MROH2B: variants seen among roughly 807,000 people sequenced by gnomAD.
The protein encoded by MROH2B is maestro heat-like repeat-containing protein family member 2B.
In MROH2B, 177 loss-of-function variants were observed where a neutral mutation model predicts 208.6. The ratio of observed to expected loss-of-function variants is 0.85; its 90% confidence interval spans 0.75 to 0.96. MROH2B has a LOEUF of 0.96. Ranked by LOEUF, MROH2B falls within the 40% of genes least tolerant of loss-of-function variation. The pLI is 0.00. For synonymous variants in MROH2B, 728 were observed against 659.0 expected (o/e 1.10, Z -1.60); for missense variants, 2,002 against 1,878.7 (o/e 1.07, Z -1.21).
chr5:41,047,744 G>T lies in MROH2B; in HGVS notation c.1705C>A (p.Leu569Ile). The T allele has an allele frequency of 1.3e-6, 2 of 1,594,236 alleles. No individual in the cohort carries two copies. Among genetic ancestry groups the T allele is most frequent in the East Asian group, 2.3e-5 (1 of 44,342 alleles). ...ACCTGAAGCAGCATGGTTTCCCATA[G>T]AACGGTACTGATGTTCTTTCCTAGA... ...PLEGKNISTV[L>I]WETMLLQLLK... The change falls in exon 17 of 42, where the codon CTA becomes ATA. Residue 569 changes from leucine to isoleucine, a missense_variant. Leu to Ile is a conservative substitution (Grantham distance 5, BLOSUM62 2). Coordinates refer to ENST00000399564, the MANE Select transcript of MROH2B (RefSeq NM_173489.5).
chr5:41,048,787 A>G (rs561551994), intron 15 of MROH2B, among the ~76,000 whole-genome samples: 44 of 152,192 alleles, frequency 2.9e-4, no homozygotes, highest in Admixed American at 1.3e-3. Context: ...AATCATCCAT[A>G]TGGGGCCAAA....
rs561229673 is a variant in MROH2B, at chr5:41,005,422, C to CACCT, written c.3864+108_3864+109insAGGT. The CACCT allele has an allele frequency of 1.4e-3, 205 of 150,794 alleles. 3 individuals carry two copies. Among genetic ancestry groups the CACCT allele is most frequent in the East Asian group, 8.3e-3 (77 of 9,246 alleles). The allele number at this position is 150,794 out of a possible 1,614,324, so 9.3% of individuals were successfully genotyped here. A position where few individuals can be genotyped will look rare whatever the true frequency, so the allele number is the denominator to read the frequency against. On this transcript the variant is annotated intron_variant, in intron 35 of 41. Transcript: ENST00000399564. ...GTCTCTCCTCTATGAAACCCCCCCC[C>CACCT]CCCTTGAAGTCTCTCTTCCCTGGTT...
intron 17 of MROH2B, among the ~76,000 whole-genome samples, chr5:41,046,789 G>A (rs186299223): frequency 6.6e-6 from 1 of 152,146 alleles, no homozygotes; most frequent in African/African-American, 2.4e-5. Flanking sequence ...AAATCTGGTA[G>A]GAATTTTGGG....
intron 15 of MROH2B, among the ~76,000 whole-genome samples, chr5:41,048,685 A>G (rs1743197116): frequency 6.6e-6 from 1 of 152,214 alleles, no homozygotes. Flanking sequence ...AAAAAAATAC[A>G]TGGAAAGCAC....
intron 31 of MROH2B, 132 bp downstream of exon 31, chr5:41,009,790 T>G: frequency 1.2e-6 from 1 of 802,190 alleles, no homozygotes; most frequent in African/African-American, 1.7e-5. Flanking sequence ...CAAATACCAA[T>G]TGTTAAATTG....
chr5:41,033,818 TATCTATC>T lies in MROH2B; in HGVS notation c.2241+13_2241+19del, dbSNP rs759918401. The T allele has an allele frequency of 2.1e-5, 22 of 1,055,352 alleles. 1 individual carries two copies. In the Admixed American group the frequency reaches 4.4e-4, roughly 21 times the overall value. 65.4% of individuals were successfully genotyped at this position (1,055,352 alleles called of 1,614,324 possible). On this transcript the variant is annotated intron_variant, in intron 22 of 41. Transcript: ENST00000399564. ...CTATCTATCTATCTATCTATCTATC[TATCTATC>T]TATCTCTCCTACCTTGTTCATCACA...
chr5:41,066,378 C>G (rs1316478569), intron 3 of MROH2B, among the ~76,000 whole-genome samples: 1 of 152,102 alleles, frequency 6.6e-6, no homozygotes, highest in African/African-American at 2.4e-5. Context: ...GAGTTGAGGC[C>G]TGAAAAAGAT....
chr5:41,018,561 G>A, intron 26 of MROH2B, 130 bp downstream of exon 26: 2 of 1,397,338 alleles, frequency 1.4e-6, no homozygotes, highest in Admixed American at 2.0e-5. Context: ...TTAAGTAGAT[G>A]GCTGTATGTG....
At chr5:41,041,269 T>A (rs1742937631) in intron 19 of MROH2B, among the ~76,000 whole-genome samples, 1 of 152,236 alleles carries the variant, frequency 6.6e-6, no homozygotes, top group Non-Finnish European at 1.5e-5. Flanking sequence ...TATACTTTTT[T>A]TATACTGGTG....
intron 13 of MROH2B, among the ~76,000 whole-genome samples, chr5:41,050,346 G>A (rs535649150): frequency 6.6e-6 from 1 of 152,244 alleles, no homozygotes; most frequent in African/African-American, 2.4e-5. Context: ...ACTTTAGTAT[G>A]TATCAGAAAT....
Position 40,998,231 on chromosome 5 carries a change from G to T in MROH2B, c.4652-73C>A, listed in dbSNP as rs544509498. The T allele has an allele frequency of 9.4e-6, 12 of 1,278,824 alleles. No homozygotes were observed. The Admixed American group carries it at 1.9e-4, about 20-fold the overall frequency. The allele number at this position is 1,278,824 out of a possible 1,614,324, so 79.2% of individuals were successfully genotyped here. On this transcript the variant is annotated intron_variant, in intron 41 of 41. Transcript: ENST00000399564. ...CAGCAAGAAGGGCAAACCAAGCCAA[G>T]GCCCAACTTTTTAGCACTGAGGGTC...
At chr5:41,069,785 T>A (rs1287208247) in intron 1 of MROH2B, 33 bp from the exon 2 acceptor site, 1 of 1,426,040 alleles carries the variant, frequency 7.0e-7, no homozygotes, top group African/African-American at 1.4e-5. Context: ...AATTGAAATA[T>A]ATGCTGAAAT....
In MROH2B at chr5:41,061,586, A is replaced by G. The variant is rs1561307161; in HGVS notation, c.599T>C (p.Leu200Ser). 6.2e-7 allele frequency: 1 copy of G among 1,613,280 alleles called. No homozygotes were observed. The highest frequency in any genetic ancestry group is 8.5e-7 in the Non-Finnish European group (1 of 1,179,506). Residue 200 changes from leucine to serine, a missense_variant, in exon 6 of 42, where the codon TTG becomes TCG. Coordinates refer to ENST00000399564, the MANE Select transcript of MROH2B (RefSeq NM_173489.5). ...CCCACTCACCTGCATGGGTGAGGCC[A>G]AAGGGGCCCACTTCTCCATTATATA... Reference protein sequence around the residue: ...FWYIMEKWAPLASPMQTLSIV... With the variant: ...FWYIMEKWAPSASPMQTLSIV...
At chr5:41,064,400 G>A (rs1039019771) in intron 5 of MROH2B, 72 bp downstream of exon 5, 1 of 1,282,438 alleles carries the variant, frequency 7.8e-7, no homozygotes, top group Admixed American at 2.0e-5. Context: ...GGGAAAACAA[G>A]ACTTTTGCTT....
rs115141305 is a variant in MROH2B, at chr5:41,049,970, T to C, written c.1345-534A>G. Among the ~76,000 whole-genome samples, 467 of 152,320 alleles carry C rather than the reference T, an allele frequency of 3.1e-3. 3 individuals carry two copies. The highest frequency in any genetic ancestry group is 0.011 in the African/African-American group (442 of 41,580). On this transcript the variant is annotated intron_variant, in intron 13 of 41. Transcript: ENST00000399564. Reference sequence around the variant, plus strand: ...TTATGTCCCTTAGAAAACTCTCTTGTCCTAATGGAAACCTTGGTGTCAACT... The same window carrying C: ...TTATGTCCCTTAGAAAACTCTCTTGCCCTAATGGAAACCTTGGTGTCAACT...
intron 1 of MROH2B, among the ~76,000 whole-genome samples, chr5:41,070,061 TA>T (rs1468709716): frequency 6.6e-6 from 1 of 152,210 alleles, no homozygotes; most frequent in Non-Finnish European, 1.5e-5. Flanking sequence ...TTGCAGGATT[TA>T]GCTCTCAGAG....
intron 28 of MROH2B, 24 bp downstream of exon 28, chr5:41,017,826 G>A (rs770334254): frequency 9.6e-6 from 15 of 1,565,086 alleles, no homozygotes; most frequent in Non-Finnish European, 1.2e-5. Flanking sequence ...TTCTTCATTT[G>A]TGGGTTCCCC....
At chr5:41,042,043 A>G (rs1404520070) in intron 19 of MROH2B, 49 bp downstream of exon 19, 2 of 1,006,838 alleles carry the variant, frequency 2.0e-6, no homozygotes, top group Non-Finnish European at 3.0e-6. Context: ...GGATAGGATT[A>G]GTTGTGTTGT....
At chr5:41,018,215 G>GT in intron 27 of MROH2B, 126 bp downstream of exon 27, 1 of 1,076,142 alleles carries the variant, frequency 9.3e-7, no homozygotes, top group Non-Finnish European at 1.3e-6. Context: ...CTCTCCAAAA[G>GT]TGTTCCGAAA....
Sources: allele counts gnomAD v4.1 joint callset (sites outside exome capture counted in the v4.1 genomes callset), GRCh38; gene constraint gnomAD v4.1.1; transcripts MANE v1.5; gene names NCBI Gene and HGNC (gene_info 2026-07-23, HGNC 2026-07-21).